RYR2: variants seen among roughly 807,000 people sequenced by gnomAD.
RYR2 encodes cardiac muscle ryanodine receptor-calcium release channel.
Under a neutral mutation model 601.1 loss-of-function variants are expected in RYR2, and 227 were observed. That is an observed-to-expected ratio of 0.38 (90% confidence interval 0.34 to 0.42). The LOEUF (loss-of-function observed/expected upper bound fraction) is 0.42, where lower values mean the gene tolerates loss of function less well. RYR2 is among the 10% of genes least tolerant of loss of function. The pLI, the probability that RYR2 is intolerant of heterozygous loss-of-function variation, is 1.00. For synonymous variants in RYR2, 2,223 were observed against 2,175.1 expected, an observed-to-expected ratio of 1.02 and a Z score of -0.61; for missense variants, 4,646 against 6,156.5, an observed-to-expected ratio of 0.75 and a Z score of 8.21.
In RYR2 at chr1:237,638,406, T is replaced by C. The variant is rs1432125147; in HGVS notation, c.6842T>C (p.Val2281Ala). ...GGACTGCAAAGTTGCCAGATGCTGGTGTCTAAGGGCTATCCAGACATTGGG... is the reference window on the plus strand; with the variant it reads ...GGACTGCAAAGTTGCCAGATGCTGGCGTCTAAGGGCTATCCAGACATTGGG... ...GCGLQSCQMLVSKGYPDIGWN... is the reference protein window; with the variant it reads ...GCGLQSCQMLASKGYPDIGWN... The change falls in exon 45 of 105, where the codon GTG becomes GCG. Residue 2281 changes from valine (V) to alanine (A), a missense_variant. Val to Ala is a moderately conservative substitution (Grantham distance 64, BLOSUM62 0). Around this residue, in one of 17 missense-constraint regions of RYR2, gnomAD observed 137 missense variants for 273.6 expected, o/e 0.50. Coordinates refer to ENST00000366574, the MANE Select transcript of RYR2 (RefSeq NM_001035.3). The C allele has an allele frequency of 6.2e-7, 1 of 1,613,872 alleles. No individual in the cohort carries two copies. The highest frequency in any genetic ancestry group is 2.2e-5 in the East Asian group (1 of 44,882).
chr1:237,612,345 CTTATAG>C (rs568588401), intron 36 of RYR2, among the ~76,000 whole-genome samples: 102 of 152,152 alleles, frequency 6.7e-4, no homozygotes, highest in Non-Finnish European at 2.9e-4. Context: ...CTAAACTCAA[CTTATAG>C]TTATAGTTAC....
intron 21 of RYR2, among the ~76,000 whole-genome samples, chr1:237,502,269 A>C (rs919789695): frequency 6.6e-6 from 1 of 152,238 alleles, no homozygotes; most frequent in Non-Finnish European, 1.5e-5. Flanking sequence ...TTTTCAATGG[A>C]ACTCAGATTA....
chr1:237,335,430 A>G (rs1697153057), intron 3 of RYR2, among the ~76,000 whole-genome samples: 1 of 152,224 alleles, frequency 6.6e-6, no homozygotes, highest in Non-Finnish European at 1.5e-5. Flanking sequence ...TTTGGAGTCC[A>G]GGAAATTTAC....
intron 62 of RYR2, among the ~76,000 whole-genome samples, 168 bp from the exon 63 acceptor site, chr1:237,687,287 G>T (rs1686479095): frequency 6.7e-6 from 1 of 149,520 alleles, no homozygotes; most frequent in Non-Finnish European, 1.5e-5. Flanking sequence ...TCTGCTCAGA[G>T]AATTGATTCT....
intron 2 of RYR2, among the ~76,000 whole-genome samples, chr1:237,288,364 C>T (rs909631733): frequency 4.6e-5 from 7 of 152,040 alleles, no homozygotes; most frequent in African/African-American, 1.7e-4. Flanking sequence ...TGGGCAGGGC[C>T]CTAGAGCTCC....
At chr1:237,071,388 T>G (rs550303210) in intron 1 of RYR2, among the ~76,000 whole-genome samples, 40 of 152,214 alleles carry the variant, frequency 2.6e-4, no homozygotes, top group African/African-American at 9.2e-4. Flanking sequence ...CATGCCCGGC[T>G]AATTTTTCTA....
intron 98 of RYR2, among the ~76,000 whole-genome samples, chr1:237,803,810 T>G (rs1660292734): frequency 6.6e-6 from 1 of 152,204 alleles, no homozygotes; most frequent in African/African-American, 2.4e-5. Context: ...ATTTGATTAT[T>G]TGCTGAATCT....
At chr1:237,464,784 C>T (rs1324992994) in intron 16 of RYR2, among the ~76,000 whole-genome samples, 2 of 152,164 alleles carry the variant, frequency 1.3e-5, no homozygotes, top group African/African-American at 4.8e-5. Context: ...ATTAATTCTA[C>T]ATTGTGGGCC....
intron 97 of RYR2, among the ~76,000 whole-genome samples, chr1:237,799,711 G>A (rs962408362): frequency 1.3e-5 from 2 of 152,112 alleles, no homozygotes; most frequent in African/African-American, 4.8e-5. Context: ...CTATATGAAC[G>A]CTATCTTAAT....
chr1:237,134,376 AC>A (rs1175802674), intron 1 of RYR2, among the ~76,000 whole-genome samples: 2 of 152,188 alleles, frequency 1.3e-5, no homozygotes, highest in African/African-American at 4.8e-5. Context: ...TAACTGACTC[AC>A]AGTTCCACGT....
intron 1 of RYR2, among the ~76,000 whole-genome samples, chr1:237,102,155 C>G (rs1449489122): frequency 6.6e-6 from 1 of 151,966 alleles, no homozygotes; most frequent in Non-Finnish European, 1.5e-5. Context: ...GAGATGAGCC[C>G]CTAGGAAGGA....
intron 84 of RYR2, among the ~76,000 whole-genome samples, chr1:237,770,367 C>T (rs1416933246): frequency 2.0e-5 from 3 of 152,152 alleles, no homozygotes; most frequent in Admixed American, 1.3e-4. Flanking sequence ...CTCTTGGCCC[C>T]GCTTTTTTGG....
intron 12 of RYR2, among the ~76,000 whole-genome samples, chr1:237,430,628 G>C (rs1187576196): frequency 6.6e-6 from 1 of 152,044 alleles, no homozygotes; most frequent in African/African-American, 2.4e-5. Context: ...TATTACAATA[G>C]TCATATTTAT....
intron 21 of RYR2, among the ~76,000 whole-genome samples, 186 bp downstream of exon 21, chr1:237,501,089 G>A (rs1473302458): frequency 1.3e-5 from 2 of 152,020 alleles, no homozygotes; most frequent in African/African-American, 4.8e-5. Flanking sequence ...CATCCTGCAA[G>A]GCTGAATGCT....
chr1:237,378,871 G>A (rs1168141555), intron 8 of RYR2, among the ~76,000 whole-genome samples: 1 of 152,168 alleles, frequency 6.6e-6, no homozygotes, highest in Non-Finnish European at 1.5e-5. Context: ...ACAGTGTCTC[G>A]TGTAACTGAC....
At chr1:237,300,308 C>T (rs1693222623) in intron 2 of RYR2, among the ~76,000 whole-genome samples, 1 of 152,084 alleles carries the variant, frequency 6.6e-6, no homozygotes. Context: ...AAGTTCTCTG[C>T]TTAGTTGGGA....
At chr1:237,231,662 T>G (rs1685011315) in intron 1 of RYR2, among the ~76,000 whole-genome samples, 1 of 152,230 alleles carries the variant, frequency 6.6e-6, no homozygotes, top group African/African-American at 2.4e-5. Context: ...ACATGGTTTA[T>G]CATGTTCTCT....
In RYR2 at chr1:237,208,010, A is replaced by G. The variant is rs575799212; in HGVS notation, c.49-62487A>G. ...TTCAGATTTGTTCCAGGTGAGGCCC[A>G]CACAGCTTTCACCCACTGTACCTCC... On this transcript the variant is annotated intron_variant, in intron 1 of 104. Coordinates refer to ENST00000366574, the MANE Select transcript of RYR2 (RefSeq NM_001035.3). 2.6e-5 allele frequency among the ~76,000 whole-genome samples: 4 copies of G among 152,326 alleles called. No homozygotes were observed. In the East Asian group the frequency reaches 7.7e-4, roughly 29 times the overall value.
intron 62 of RYR2, among the ~76,000 whole-genome samples, chr1:237,685,955 G>A (rs1163685527): frequency 6.6e-6 from 1 of 152,134 alleles, no homozygotes; most frequent in East Asian, 1.9e-4. Flanking sequence ...ATCAATACAT[G>A]AATCCACATT....
Sources: allele counts gnomAD v4.1 joint callset (sites outside exome capture counted in the v4.1 genomes callset), GRCh38; gene constraint gnomAD v4.1.1; regional missense constraint gnomAD v4.1.1; transcripts MANE v1.5; gene names NCBI Gene and HGNC (gene_info 2026-07-23, HGNC 2026-07-21).